TMEM132C: variants seen among roughly 807,000 people sequenced by gnomAD.
TMEM132C encodes protein phosphatase 1, regulatory subunit 152.
Under a neutral mutation model 61.4 loss-of-function variants are expected in TMEM132C, and 29 were observed. The observed-to-expected ratio is 0.47, with a 90% CI of 0.35 to 0.64. The LOEUF is 0.64. Ranked by LOEUF, TMEM132C falls within the 30% of genes least tolerant of loss-of-function variation. The pLI is 0.00. For missense variants in TMEM132C, 1,408 were observed against 1,476.9 expected (o/e 0.95, Z 0.76); for synonymous variants, 656 against 633.1 (o/e 1.04, Z -0.54).
intron 1 of TMEM132C, among the ~76,000 whole-genome samples, chr12:128,381,606 C>T (rs1874399068): frequency 6.6e-6 from 1 of 152,052 alleles, no homozygotes; most frequent in Admixed American, 6.5e-5. Context: ...GGGAGTGGCT[C>T]CTAGGGTCTC....
At chr12:128,422,614 G>A (rs1378828684) in intron 2 of TMEM132C, among the ~76,000 whole-genome samples, 1 of 152,208 alleles carries the variant, frequency 6.6e-6, no homozygotes, top group Non-Finnish European at 1.5e-5. Context: ...GAATTTATGT[G>A]TAGTAAATAG....
chr12:128,612,325 C>T (rs1023558019), intron 3 of TMEM132C, among the ~76,000 whole-genome samples: 1 of 152,186 alleles, frequency 6.6e-6, no homozygotes, highest in Admixed American at 6.5e-5. Context: ...AGAGAGCTTG[C>T]CCTGATGTCA....
intron 1 of TMEM132C, among the ~76,000 whole-genome samples, chr12:128,371,648 C>T (rs562901397): frequency 2.6e-5 from 4 of 152,360 alleles, no homozygotes; most frequent in Admixed American, 2.0e-4. Context: ...TCGCAGCTCA[C>T]TGCAGACTCA....
intron 1 of TMEM132C, among the ~76,000 whole-genome samples, chr12:128,273,407 C>A (rs1328773336): frequency 6.6e-6 from 1 of 151,880 alleles, no homozygotes; most frequent in Non-Finnish European, 1.5e-5. Context: ...TCTTTTTCAT[C>A]TTTTTACTTT....
chr12:128,367,791 A>G (rs1055142819), intron 1 of TMEM132C, among the ~76,000 whole-genome samples: 2 of 152,180 alleles, frequency 1.3e-5, no homozygotes, highest in African/African-American at 4.8e-5. Context: ...ACATGTTCAA[A>G]TGATAATATT....
intron 2 of TMEM132C, among the ~76,000 whole-genome samples, chr12:128,479,344 C>T (rs10083128): frequency 0.1 from 15,647 of 152,106 alleles, 929 homozygotes; most frequent in Middle Eastern, 0.13. Flanking sequence ...CCTGCACTTG[C>T]ACCCCTAAAC....
chr12:128,674,361 G>A (rs1169289848), intron 5 of TMEM132C, among the ~76,000 whole-genome samples: 1 of 152,150 alleles, frequency 6.6e-6, no homozygotes, highest in Non-Finnish European at 1.5e-5. Flanking sequence ...TCACTCAGTT[G>A]GGTTGTTTCC....
chr12:128,355,075 C>T (rs1465248974), intron 1 of TMEM132C, among the ~76,000 whole-genome samples: 3 of 152,208 alleles, frequency 2.0e-5, no homozygotes, highest in Non-Finnish European at 4.4e-5. Context: ...AATCCCTCCC[C>T]CTGCAGTTCA....
intron 2 of TMEM132C, among the ~76,000 whole-genome samples, chr12:128,427,429 T>TGTAC (rs1869232065): frequency 1.6e-5 from 1 of 62,554 alleles, no homozygotes; most frequent in Non-Finnish European, 3.5e-5. Context: ...TGTGTGTGTG[T>TGTAC]ATATATATTT....
chr12:128,616,224 T>C lies in TMEM132C; in HGVS notation c.1194T>C (p.Thr398=), dbSNP rs1329749404. 1.3e-6 allele frequency: 2 copies of C among 1,551,688 alleles called. No individual in the cohort carries two copies. Among genetic ancestry groups the C allele is most frequent in the Admixed American group, 3.9e-5 (2 of 50,992 alleles). Residue 398 remains threonine (T), a synonymous_variant, in exon 4 of 9, where the codon ACT becomes ACC. Transcript: ENST00000435159. ...CCAGTTTCAGCAGCCTTTCAGGGAC[T>C]CAGCCCATCACGTGGCAGGTGGAGT... ...EIASFSSLSG[T]QPITWQVEYP...
intron 3 of TMEM132C, among the ~76,000 whole-genome samples, chr12:128,577,470 C>T (rs376503656): frequency 8.7e-4 from 132 of 152,300 alleles, no homozygotes; most frequent in African/African-American, 1.3e-3. Flanking sequence ...CCCCAAGCCC[C>T]GGTGACACTC....
intron 1 of TMEM132C, among the ~76,000 whole-genome samples, chr12:128,382,140 G>C (rs1446745892): frequency 6.6e-6 from 1 of 151,634 alleles, no homozygotes; most frequent in East Asian, 1.9e-4. Flanking sequence ...TAATATTTCA[G>C]CCTCTCCTTA....
chr12:128,598,537 G>T lies in TMEM132C; in HGVS notation c.1122-17615G>T, dbSNP rs79083227. On this transcript the variant is annotated intron_variant, in intron 3 of 8. Coordinates refer to ENST00000435159, the MANE Select transcript of TMEM132C (RefSeq NM_001136103.3). The stretch of plus-strand genomic sequence containing the variant: ...GGATCCCACCCCAGCCTTGCTCCCC[G>T]ATGTGAGAATGTGTCTGGGCCTCTG... Among the ~76,000 whole-genome samples, 1,304 of 151,878 alleles carry T rather than the reference G, an allele frequency of 8.6e-3. 6 individuals are homozygous for T. The highest frequency in any genetic ancestry group is 0.014 in the Non-Finnish European group (961 of 67,972).
At chr12:128,523,793 A>T (rs921630822) in intron 2 of TMEM132C, among the ~76,000 whole-genome samples, 12 of 138,000 alleles carry the variant, frequency 8.7e-5, no homozygotes, top group African/African-American at 3.3e-4. Context: ...TGAGCCCAGG[A>T]ATTACAGACA....
At chr12:128,418,237 C>A (rs997455832) in intron 2 of TMEM132C, among the ~76,000 whole-genome samples, 1 of 152,192 alleles carries the variant, frequency 6.6e-6, no homozygotes, top group Non-Finnish European at 1.5e-5. Context: ...GTGTCTCAGG[C>A]GTGTCGGAAT....
At chr12:128,311,980 A>C (rs1436204225) in intron 1 of TMEM132C, among the ~76,000 whole-genome samples, 1 of 152,206 alleles carries the variant, frequency 6.6e-6, no homozygotes, top group East Asian at 1.9e-4. Flanking sequence ...TGGCGACAGA[A>C]ACCCAACTTC....
intron 2 of TMEM132C, among the ~76,000 whole-genome samples, chr12:128,449,592 A>T (rs1211801330): frequency 1.3e-5 from 2 of 152,344 alleles, no homozygotes; most frequent in East Asian, 3.9e-4. Flanking sequence ...TAATTCCATT[A>T]TGAAGGATGT....
intron 1 of TMEM132C, among the ~76,000 whole-genome samples, chr12:128,410,048 T>C (rs1868479826): frequency 1.3e-5 from 2 of 152,266 alleles, no homozygotes; most frequent in Non-Finnish European, 2.9e-5. Context: ...AAAAATGGCT[T>C]ATCTTATTAC....
intron 3 of TMEM132C, among the ~76,000 whole-genome samples, chr12:128,594,086 C>T (rs1019199644): frequency 8.2e-6 from 1 of 122,532 alleles, no homozygotes; most frequent in African/African-American, 3.0e-5. Flanking sequence ...AGAAATCAGC[C>T]AAGGGAGAGC....
Sources: gnomAD v4.1 joint callset for allele counts (sites outside exome capture counted in the v4.1 genomes callset) on GRCh38, gnomAD v4.1.1 for gene constraint, MANE v1.5 for transcripts, NCBI Gene and HGNC (gene_info 2026-07-23, HGNC 2026-07-21) for gene names.